UBE3C: variants seen among roughly 807,000 people sequenced by gnomAD.
UBE3C encodes the protein ubiquitin protein ligase E3C, also known as ubiquitin-protein ligase E3C.
In UBE3C, 42 loss-of-function variants were observed where a neutral mutation model predicts 129.4. The observed-to-expected ratio is 0.32, with a 90% CI of 0.25 to 0.42. The LOEUF (loss-of-function observed/expected upper bound fraction) is 0.42. UBE3C is among the 10% of genes least tolerant of loss of function. The probability of loss-of-function intolerance (pLI) is 1.00; values close to 1 mark genes in which losing one functional copy is unlikely to be tolerated. For synonymous variants in UBE3C, 510 were observed against 492.4 expected, an observed-to-expected ratio of 1.04 and a Z score of -0.47; for missense variants, 1,049 against 1,319.1, an observed-to-expected ratio of 0.80 and a Z score of 3.17.
In UBE3C at chr7:157,243,676, G is replaced by A. The variant is rs145277242; in HGVS notation, c.2482-4692G>A. Among the ~76,000 whole-genome samples the A allele has an allele frequency of 3.4e-3, 525 of 152,302 alleles. 1 individual carries two copies. The highest frequency in any genetic ancestry group is 0.014 in the Middle Eastern group (4 of 294). On this transcript the variant is annotated intron_variant, in intron 18 of 22. Coordinates refer to ENST00000348165, the MANE Select transcript of UBE3C (RefSeq NM_014671.3). ...GTGCCAGGGTAGCTGTGTAGACCAA[G>A]TGTTGCGGGAGTTGATGGTGTAGAA...
At position 157,247,347 on chromosome 7, in the gene UBE3C, G is replaced by C. The variant is rs184662508; in HGVS notation, c.2482-1021G>C. ...TGTCTAGCACAGTGCCTGGCACCTA[G>C]TACCTAGTAAGTGCTCAAGGAATGG... On this transcript the variant is annotated intron_variant, in intron 18 of 22. Coordinates refer to ENST00000348165, the MANE Select transcript of UBE3C (RefSeq NM_014671.3). Among the ~76,000 whole-genome samples, 249 of 152,320 alleles carry C rather than the reference G, an allele frequency of 1.6e-3. 2 individuals carry two copies. Among genetic ancestry groups the C allele is most frequent in the Middle Eastern group, 3.4e-3 (1 of 294 alleles).
chr7:157,162,683 G>C (rs1157011513), intron 1 of UBE3C, among the ~76,000 whole-genome samples: 1 of 151,918 alleles, frequency 6.6e-6, no homozygotes, highest in African/African-American at 2.4e-5. Context: ...GGGACTACGG[G>C]CACATACTGC....
At chr7:157,193,735 A>G (rs1809039049) in intron 10 of UBE3C, among the ~76,000 whole-genome samples, 1 of 150,728 alleles carries the variant, frequency 6.6e-6, no homozygotes. Flanking sequence ...TACATGCATC[A>G]TGCAAAATGA....
At chr7:157,157,006 T>TA (rs1281020604) in intron 1 of UBE3C, among the ~76,000 whole-genome samples, 11 of 152,180 alleles carry the variant, frequency 7.2e-5, no homozygotes, top group African/African-American at 2.7e-4. Context: ...CTTTTTAAAT[T>TA]ACCCTTTTAA....
chr7:157,201,054 T>A (rs958009457), intron 10 of UBE3C, among the ~76,000 whole-genome samples: 3 of 152,186 alleles, frequency 2.0e-5, no homozygotes, highest in Non-Finnish European at 4.4e-5. Flanking sequence ...CCAGGTGCAG[T>A]GGCACACACC....
intron 18 of UBE3C, among the ~76,000 whole-genome samples, chr7:157,244,270 C>G (rs1044993441): frequency 2.0e-5 from 3 of 152,104 alleles, no homozygotes; most frequent in Non-Finnish European, 4.4e-5. Flanking sequence ...TATCTCCTGC[C>G]CCCTAGGAGT....
chr7:157,208,009 G>C, intron 13 of UBE3C, 74 bp downstream of exon 13: 1 of 800,762 alleles, frequency 1.2e-6, no homozygotes, highest in Non-Finnish European at 1.6e-6. Flanking sequence ...TCGTTGCAGA[G>C]GAATAAAAAT....
At chr7:157,233,974 T>C (rs892282181) in intron 18 of UBE3C, among the ~76,000 whole-genome samples, 8 of 152,252 alleles carry the variant, frequency 5.3e-5, no homozygotes, top group Admixed American at 4.6e-4. Context: ...ATGTGCTTCA[T>C]GACTTCTGTT....
At chr7:157,163,616 G>T (rs1808134793) in intron 1 of UBE3C, among the ~76,000 whole-genome samples, 194 bp from the exon 2 acceptor site, 1 of 152,154 alleles carries the variant, frequency 6.6e-6, no homozygotes, top group South Asian at 2.1e-4. Flanking sequence ...GTACTAACTT[G>T]TATTATATCT....
intron 15 of UBE3C, chr7:157,221,201 T>TACGAA (rs1012330646): frequency 2.5e-4 from 41 of 165,778 alleles, no homozygotes; most frequent in Admixed American, 6.0e-4. Flanking sequence ...TCTCTGGGAA[T>TACGAA]ACGAGTACAG....
intron 10 of UBE3C, chr7:157,192,640 G>A (rs1169008924): frequency 2.1e-5 from 16 of 765,598 alleles, no homozygotes; most frequent in African/African-American, 5.1e-5. Flanking sequence ...AAGAATAAGC[G>A]CAAGAGAAAG....
intron 10 of UBE3C, among the ~76,000 whole-genome samples, chr7:157,194,990 A>G (rs1466852562): frequency 1.3e-5 from 2 of 152,236 alleles, no homozygotes; most frequent in African/African-American, 2.4e-5. Flanking sequence ...TTCGTGGCCT[A>G]TTCAAGGCAA....
At chr7:157,266,034 G>A (rs1405215254) in intron 22 of UBE3C, among the ~76,000 whole-genome samples, 1 of 152,196 alleles carries the variant, frequency 6.6e-6, no homozygotes, top group East Asian at 1.9e-4. Flanking sequence ...GGGAACTGGG[G>A]CCGGGCACGG....
At position 157,249,320 on chromosome 7, in the gene UBE3C, C is replaced by CT. The variant is rs1234257452; in HGVS notation, c.2694+752dup. Among the ~76,000 whole-genome samples, 757 of 145,078 alleles carry CT rather than the reference C, an allele frequency of 5.2e-3. 8 individuals carry two copies. Among genetic ancestry groups the CT allele is most frequent in the African/African-American group, 0.014 (569 of 39,902 alleles). On this transcript the variant is annotated intron_variant, in intron 19 of 22. Coordinates refer to ENST00000348165, the MANE Select transcript of UBE3C (RefSeq NM_014671.3). ...TGTGGACACTTCACATCGATAGAGT[C>CT]TTTTTTTTTTTTGAGATGGAGTTTC... is the stretch of plus-strand genomic sequence containing the variant.
At chr7:157,142,504 G>C (rs961974530) in intron 1 of UBE3C, among the ~76,000 whole-genome samples, 6 of 152,152 alleles carry the variant, frequency 3.9e-5, no homozygotes, top group Admixed American at 2.0e-4. Flanking sequence ...GAATTGTTTG[G>C]AGCTTAGTCC....
At chr7:157,231,698 G>A (rs531574595) in intron 18 of UBE3C, 45 of 248,498 alleles carry the variant, frequency 1.8e-4, no homozygotes, top group African/African-American at 9.1e-4. Context: ...TGCCGCCTCC[G>A]GACTCTGCAG....
At chr7:157,238,425 C>T (rs558348713) in intron 18 of UBE3C, among the ~76,000 whole-genome samples, 8 of 151,990 alleles carry the variant, frequency 5.3e-5, no homozygotes, top group East Asian at 1.9e-4. Flanking sequence ...GCCCATGTCC[C>T]GGTGGTAGTG....
intron 11 of UBE3C, among the ~76,000 whole-genome samples, chr7:157,203,424 A>G (rs981461913): frequency 6.6e-6 from 1 of 152,160 alleles, no homozygotes; most frequent in Admixed American, 6.5e-5. Context: ...GGTGCATTTC[A>G]GCCACTTCTG....
chr7:157,190,535 C>G (rs1185598667), intron 10 of UBE3C, among the ~76,000 whole-genome samples: 1 of 151,916 alleles, frequency 6.6e-6, no homozygotes, highest in African/African-American at 2.4e-5. Flanking sequence ...TTGGACATCA[C>G]AGATTAGAAC....
Sources: allele counts gnomAD v4.1 joint callset (sites outside exome capture counted in the v4.1 genomes callset), GRCh38; gene constraint gnomAD v4.1.1; transcripts MANE v1.5; gene names NCBI Gene and HGNC (gene_info 2026-07-23, HGNC 2026-07-21).